The following ELP4 variants were observed in gnomAD, a reference collection of about 807,000 sequenced individuals.
ELP4 encodes the protein elongator complex protein 4.
A neutral mutation model predicts 48.9 loss-of-function variants in ELP4; 51 were observed. The observed-to-expected ratio is 1.04, with a 90% CI of 0.83 to 1.32. The LOEUF (loss-of-function observed/expected upper bound fraction) is 1.32. Ranked by LOEUF, ELP4 falls within the 40% of genes most tolerant of loss-of-function variation. ELP4 has a pLI of 0.00. For synonymous variants in ELP4, 210 were observed against 189.2 expected (o/e 1.11, Z -0.90); for missense variants, 519 against 514.6 (o/e 1.01, Z -0.08).
At chr11:31,598,721 G>A (rs9666232) in intron 4 of ELP4, among the ~76,000 whole-genome samples, 92,511 of 151,366 alleles carry the variant, frequency 0.61, 31,813 homozygotes, top group Non-Finnish European at 0.76. Flanking sequence ...TGCCCAGGCT[G>A]GTCTCAAACT....
At chr11:31,640,164 C>A (rs1366186892) in intron 7 of ELP4, among the ~76,000 whole-genome samples, 2 of 151,768 alleles carry the variant, frequency 1.3e-5, no homozygotes, top group Non-Finnish European at 2.9e-5. Context: ...GGGAAATGAT[C>A]TTTTACATTA....
Position 31,783,722 on chromosome 11 carries a change from C to A in ELP4, c.*198C>A. 2.1e-6 allele frequency: 1 copy of A among 482,606 alleles called. No homozygotes were observed. Among genetic ancestry groups the A allele is most frequent in the Non-Finnish European group, 3.6e-6 (1 of 277,622 alleles). The allele number at this position is 482,606 out of a possible 1,614,324, so 29.9% of individuals were successfully genotyped here. A position where few individuals can be genotyped will look rare whatever the true frequency, so the allele number is the denominator to read the frequency against. ...CAGAAATACTTTTAAATTTTTCCTT[C>A]ATGCTCTAGAGAAAATAATTTTATT... On this transcript the variant is annotated 3_prime_UTR_variant, in exon 10 of 10. Transcript: ENST00000640961.
intron 1 of ELP4, among the ~76,000 whole-genome samples, chr11:31,514,333 C>G (rs1401220599): frequency 6.6e-6 from 1 of 152,118 alleles, no homozygotes; most frequent in East Asian, 1.9e-4. Flanking sequence ...GTGGTGCACA[C>G]CTGTAGTCCC....
chr11:31,602,381 A>G (rs1957800417), intron 4 of ELP4, among the ~76,000 whole-genome samples: 1 of 151,882 alleles, frequency 6.6e-6, no homozygotes, highest in African/African-American at 2.4e-5. Flanking sequence ...TATATATTTT[A>G]TTTATCAATA....
chr11:31,518,113 T>TC (rs1242146400), intron 1 of ELP4, among the ~76,000 whole-genome samples: 1 of 151,456 alleles, frequency 6.6e-6, no homozygotes, highest in East Asian at 1.9e-4. Flanking sequence ...TTTTTTCTTT[T>TC]TTTTTTTTTT....
At chr11:31,618,181 C>G (rs909786722) in intron 5 of ELP4, among the ~76,000 whole-genome samples, 1 of 152,074 alleles carries the variant, frequency 6.6e-6, no homozygotes, top group Admixed American at 6.6e-5. Flanking sequence ...GGGTACAGCT[C>G]AGATGAATCC....
intron 9 of ELP4, among the ~76,000 whole-genome samples, chr11:31,766,055 G>T (rs1948033074): frequency 6.6e-6 from 1 of 151,932 alleles, no homozygotes; most frequent in African/African-American, 2.4e-5. Context: ...CATCTTCTGT[G>T]TGGTGCTTCA....
At chr11:31,734,862 A>G (rs1251312336) in intron 9 of ELP4, among the ~76,000 whole-genome samples, 4 of 152,218 alleles carry the variant, frequency 2.6e-5, no homozygotes, top group African/African-American at 9.6e-5. Context: ...AGAAAAATCT[A>G]AAATTCATAT....
At chr11:31,714,913 AC>A in intron 9 of ELP4, 1 of 397,518 alleles carries the variant, frequency 2.5e-6, no homozygotes, top group Non-Finnish European at 4.4e-6. Flanking sequence ...CCAATCAGCA[AC>A]CTTAATTCAA....
At chr11:31,701,336 G>A (rs946993762) in intron 9 of ELP4, among the ~76,000 whole-genome samples, 4 of 151,918 alleles carry the variant, frequency 2.6e-5, no homozygotes, top group African/African-American at 9.7e-5. Context: ...TGCTTAAATG[G>A]GATTTTGATA....
At chr11:31,521,255 T>C (rs1956209778) in intron 2 of ELP4, among the ~76,000 whole-genome samples, 1 of 151,942 alleles carries the variant, frequency 6.6e-6, no homozygotes, top group African/African-American at 2.4e-5. Context: ...TAACTCTTAC[T>C]GTTGGTCATA....
At chr11:31,653,930 G>GT (rs1945375597) in intron 9 of ELP4, 1 of 151,642 alleles carries the variant, frequency 6.6e-6, no homozygotes, top group Admixed American at 6.6e-5. Flanking sequence ...ACATAAACAA[G>GT]TAAGATTAGG....
chr11:31,640,576 C>G (rs1312590575), intron 7 of ELP4, among the ~76,000 whole-genome samples: 1 of 151,826 alleles, frequency 6.6e-6, no homozygotes, highest in Non-Finnish European at 1.5e-5. Context: ...TTTTCGCACC[C>G]TATGTAGTTA....
intron 1 of ELP4, chr11:31,511,492 A>G (rs923536464): frequency 1.3e-5 from 2 of 152,210 alleles, no homozygotes; most frequent in Non-Finnish European, 2.9e-5. Context: ...TGTTGAATAC[A>G]AGAAAAATAA....
At chr11:31,694,669 C>G (rs1946361175) in intron 9 of ELP4, among the ~76,000 whole-genome samples, 1 of 152,078 alleles carries the variant, frequency 6.6e-6, no homozygotes, top group African/African-American at 2.4e-5. Flanking sequence ...TCCATATGAA[C>G]TTTAAAGTAG....
At chr11:31,691,767 G>T (rs1312568261) in intron 9 of ELP4, among the ~76,000 whole-genome samples, 1 of 152,046 alleles carries the variant, frequency 6.6e-6, no homozygotes, top group Non-Finnish European at 1.5e-5. Context: ...AACAATTTTT[G>T]AACTAGGAAT....
chr11:31,562,719 T>C (rs1957041817), intron 3 of ELP4, among the ~76,000 whole-genome samples: 1 of 152,158 alleles, frequency 6.6e-6, no homozygotes, highest in South Asian at 2.1e-4. Context: ...TGTATGGAAT[T>C]TAGTTGAAGT....
intron 5 of ELP4, among the ~76,000 whole-genome samples, chr11:31,626,444 T>G (rs553083285): frequency 2.7e-4 from 41 of 152,006 alleles, no homozygotes; most frequent in African/African-American, 9.9e-4. Flanking sequence ...ATTTTCCTCA[T>G]GCTTACTGAA....
chr11:31,785,721 C>T lies in ELP4; in HGVS notation c.*2197C>T, dbSNP rs1454979390. 5.2e-6 allele frequency: 1 copy of T among 192,350 alleles called. No individual in the cohort carries two copies. Among genetic ancestry groups the T allele is most frequent in the Non-Finnish European group, 1.1e-5 (1 of 92,212 alleles). 11.9% of individuals were successfully genotyped at this position (192,350 alleles called of 1,614,324 possible). On this transcript the variant is annotated 3_prime_UTR_variant, in exon 10 of 10. Coordinates refer to ENST00000640961, the MANE Select transcript of ELP4 (RefSeq NM_019040.5). ...AAAACGCACTCTGAAAATGTGTTTT[C>T]CTTTCTTCTGGAAACATTATTTGTT...
Sources: gnomAD v4.1 joint callset for allele counts (sites outside exome capture counted in the v4.1 genomes callset) on GRCh38, gnomAD v4.1.1 for gene constraint, MANE v1.5 for transcripts, NCBI Gene and HGNC (gene_info 2026-07-23, HGNC 2026-07-21) for gene names.